The following PCDHGB3 variants were observed in gnomAD, a reference collection of about 807,000 sequenced individuals.
PCDHGB3 encodes the protein protocadherin gamma subfamily B, 3.
PCDHGB3 carries 40 observed loss-of-function variants against 59.2 expected under a neutral mutation model. The ratio of observed to expected loss-of-function variants is 0.68; its 90% CI spans 0.52 to 0.88. PCDHGB3 has a LOEUF of 0.88. PCDHGB3 is among the 40% of genes least tolerant of loss of function. PCDHGB3 has a pLI of 0.00. For missense variants in PCDHGB3, 1,309 were observed against 1,187.9 expected (o/e 1.10, Z -1.50); for synonymous variants, 581 against 503.6 (o/e 1.15, Z -2.06).
At chr5:141,427,599 C>G (rs1233253295) in intron 1 of PCDHGB3, 1 of 682,980 alleles carries the variant, frequency 1.5e-6, no homozygotes, top group African/African-American at 1.8e-5. Flanking sequence ...CCTCACCCTA[C>G]GCATTGGTGA....
At chr5:141,404,891 C>G in intron 1 of PCDHGB3, 1 of 1,613,898 alleles carries the variant, frequency 6.2e-7, no homozygotes, top group African/African-American at 1.3e-5. Context: ...GGTGGCTGTA[C>G]AGGACCATGG....
At position 141,485,222 on chromosome 5, in the gene PCDHGB3, C is replaced by T; in HGVS notation, c.2416-9585C>T. On this transcript the variant is annotated intron_variant, in intron 1 of 3. Transcript: ENST00000576222. The surrounding 1 kb of genome is among the most constrained non-coding windows in gnomAD (Gnocchi z 5.7). The stretch of plus-strand genomic sequence containing the variant: ...GACAGAAATCTGGCGGTGGGCTACC[C>T]TTTTGTTCCTCTTTTACCACCTGGG... 4 of 1,614,196 alleles carry T rather than the reference C, an allele frequency of 2.5e-6. No homozygotes were observed. Among genetic ancestry groups the T allele is most frequent in the Non-Finnish European group, 2.5e-6 (3 of 1,180,020 alleles).
chr5:141,384,553 G>A (rs756336021), intron 1 of PCDHGB3: 3 of 1,614,152 alleles, frequency 1.9e-6, no homozygotes, highest in Admixed American at 1.7e-5. Context: ...GAGCCTGTTC[G>A]TGCTGGACCA....
chr5:141,443,251 C>T (rs200319609), intron 1 of PCDHGB3, among the ~76,000 whole-genome samples: 7 of 150,782 alleles, frequency 4.6e-5, no homozygotes, highest in East Asian at 3.9e-4. Flanking sequence ...GGCGCCAAGG[C>T]GGGTGGATCA....
rs779292483 is a variant in PCDHGB3 at position 141,491,102 on chromosome 5, T to C, written c.2416-3705T>C. The C allele has an allele frequency of 6.2e-7, 1 of 1,614,152 alleles. No individual in the cohort carries two copies. Among genetic ancestry groups the C allele is most frequent in the Non-Finnish European group, 8.5e-7 (1 of 1,180,006 alleles). ...TCCACAGCCCCAGGACTGTTCCTCG[T>C]GTCTACACACACTGGTGAGGTGCGC... On this transcript the variant is annotated intron_variant, in intron 1 of 3. Transcript: ENST00000576222. This position sits in a 1 kb window ranked among gnomAD's most constrained non-coding sequence, Gnocchi z 6.9.
rs1769086756 is a variant in PCDHGB3 at position 141,372,810 on chromosome 5, G to A, written c.2415+1G>A. ...TTCTAATTCAGGCAATTTGCAAAAG[G>A]TGAGTTTCTTCAAACCTTTCCTTCC... On this transcript the variant is annotated splice_donor_variant, in intron 1 of 3. Coordinates refer to ENST00000576222, the MANE Select transcript of PCDHGB3 (RefSeq NM_018924.5). LOFTEE classifies it high-confidence loss of function. The A allele has an allele frequency of 1.9e-6, 3 of 1,587,362 alleles. No individual in the cohort carries two copies. The highest frequency in any genetic ancestry group is 2.6e-6 in the Non-Finnish European group (3 of 1,165,938).
chr5:141,374,723 G>T (rs771753373), intron 1 of PCDHGB3: 1 of 1,609,998 alleles, frequency 6.2e-7, no homozygotes, highest in South Asian at 1.1e-5. Context: ...GGTCCTTACT[G>T]CCATGGATGG....
At chr5:141,375,194 G>A (rs763161370) in intron 1 of PCDHGB3, 1 of 1,613,964 alleles carries the variant, frequency 6.2e-7, no homozygotes, top group South Asian at 1.1e-5. Flanking sequence ...CCTTTTTCAA[G>A]TGTTCGATCG....
Position 141,485,831 on chromosome 5 carries a change from C to T in PCDHGB3, c.2416-8976C>T. 1 of 1,614,080 alleles carries T rather than the reference C, an allele frequency of 6.2e-7. No individual in the cohort carries two copies. The highest frequency in any genetic ancestry group is 8.5e-7 in the Non-Finnish European group (1 of 1,180,026). ...GCTGACTGCTGTCGATGGAGGGAAC[C>T]CGCCGAGATCTGGCACCGCAGAGCT... On this transcript the variant is annotated intron_variant, in intron 1 of 3. Coordinates refer to ENST00000576222, the MANE Select transcript of PCDHGB3 (RefSeq NM_018924.5). This position sits in a 1 kb window ranked among gnomAD's most constrained non-coding sequence, Gnocchi z 5.7.
intron 2 of PCDHGB3, among the ~76,000 whole-genome samples, chr5:141,500,892 G>GAT (rs1036007799): frequency 1.1e-5 from 1 of 88,010 alleles, no homozygotes; most frequent in African/African-American, 7.1e-5. Flanking sequence ...TTTTTTTTGA[G>GAT]ACAGTCTCGC....
intron 1 of PCDHGB3, chr5:141,484,889 T>C (rs2099602721): frequency 2.8e-6 from 1 of 363,070 alleles, no homozygotes. Flanking sequence ...GTGGGCTTTT[T>C]CCCCTCCAAT....
chr5:141,426,998 A>C (rs981827933), intron 1 of PCDHGB3: 8 of 456,664 alleles, frequency 1.8e-5, no homozygotes, highest in African/African-American at 1.6e-4. Flanking sequence ...ATAATGCCCC[A>C]GTTTTTAGCC....
intron 1 of PCDHGB3, among the ~76,000 whole-genome samples, chr5:141,482,940 G>T (rs1245833250): frequency 6.6e-6 from 1 of 152,026 alleles, no homozygotes; most frequent in East Asian, 1.9e-4. Context: ...AGGTGTGGTT[G>T]TGGGTGCCTG....
rs1001089000 is a variant in PCDHGB3, at chr5:141,370,469, A to T, written c.75A>T (p.Leu25Phe). The T allele has an allele frequency of 4.3e-6, 7 of 1,613,198 alleles. No homozygotes were observed. The African/African-American group carries it at 9.3e-5, about 22-fold the overall frequency. Reference sequence around the variant, plus strand: ...TATTTCTCTTCCTGCTCTCTTTGTTAGACCAGGCTCTCTCCGAACCGATCC... The same window carrying T: ...TATTTCTCTTCCTGCTCTCTTTGTTTGACCAGGCTCTCTCCGAACCGATCC... ...RMLFLFLLSL[L>F]DQALSEPIRY... Residue 25 changes from leucine to phenylalanine, a missense_variant, in exon 1 of 4, where the codon TTA becomes TTT. Physicochemically the swap from Leu to Phe is conservative, Grantham distance 22 (BLOSUM62 0). Transcript: ENST00000576222.
At chr5:141,450,006 C>CTTTTTTT (rs1554136305) in intron 1 of PCDHGB3, among the ~76,000 whole-genome samples, 1 of 132,982 alleles carries the variant, frequency 7.5e-6, no homozygotes, top group Admixed American at 7.8e-5. Context: ...TGCCATGTCT[C>CTTTTTTT]TTTTTTTTTT....
chr5:141,384,152 A>T (rs1588962194), intron 1 of PCDHGB3: 2 of 1,613,508 alleles, frequency 1.2e-6, no homozygotes, highest in Non-Finnish European at 1.7e-6. Flanking sequence ...CTCTCTTTGT[A>T]TAACATCACA....
At chr5:141,419,713 C>T in intron 1 of PCDHGB3, 1 of 1,613,264 alleles carries the variant, frequency 6.2e-7, no homozygotes, top group East Asian at 2.2e-5. Context: ...GGCTCTTCAG[C>T]CTGGGGCTGC....
At chr5:141,419,325 AC>A (rs768622826) in intron 1 of PCDHGB3, 1 of 1,613,702 alleles carries the variant, frequency 6.2e-7, no homozygotes, top group Non-Finnish European at 8.5e-7. Context: ...CGTGTCTCCT[AC>A]TCTCTCATTG....
chr5:141,441,343 C>T (rs2098240806), intron 1 of PCDHGB3: 1 of 152,368 alleles, frequency 6.6e-6, no homozygotes, highest in African/African-American at 2.4e-5. Flanking sequence ...TAATTAACTA[C>T]ATGCTTGTAA....
Sources: gnomAD v4.1 joint callset for allele counts (sites outside exome capture counted in the v4.1 genomes callset) on GRCh38, gnomAD v4.1.1 for gene constraint, Gnocchi (gnomAD v3.1) non-coding constraint, MANE v1.5 for transcripts, NCBI Gene and HGNC (gene_info 2026-07-23, HGNC 2026-07-21) for gene names.